The following SLC35F3 variants were observed in gnomAD, a reference collection of about 807,000 sequenced individuals.
The protein encoded by SLC35F3 is putative thiamine transporter SLC35F3.
SLC35F3 carries 25 observed loss-of-function variants against 49.9 expected under a neutral mutation model. That is an observed-to-expected ratio of 0.50 (90% CI 0.37 to 0.70). SLC35F3 has a LOEUF of 0.70. Among genes scored for constraint, SLC35F3 ranks in the 30% least tolerant of loss-of-function variants. The pLI is 0.00. For missense variants in SLC35F3, 525 were observed against 639.8 expected (o/e 0.82, Z 1.94); for synonymous variants, 275 against 265.4 (o/e 1.04, Z -0.35).
intron 2 of SLC35F3, among the ~76,000 whole-genome samples, chr1:234,129,170 G>A (rs1665696568): frequency 1.3e-5 from 2 of 152,110 alleles, no homozygotes; most frequent in Admixed American, 1.3e-4. Flanking sequence ...CCTCCAACAG[G>A]ACTTAAAAAC....
At chr1:234,256,112 A>G (rs892659671) in intron 3 of SLC35F3, among the ~76,000 whole-genome samples, 1 of 152,176 alleles carries the variant, frequency 6.6e-6, no homozygotes, top group African/African-American at 2.4e-5. Flanking sequence ...AATAAAGTCT[A>G]TTCATAATTT....
At chr1:234,286,561 C>T (rs894206268) in intron 3 of SLC35F3, among the ~76,000 whole-genome samples, 1 of 152,206 alleles carries the variant, frequency 6.6e-6, no homozygotes, top group Non-Finnish European at 1.5e-5. Context: ...GCATTGTTCT[C>T]TTCTGCAATG....
At chr1:234,192,530 GA>G (rs1392264241) in intron 2 of SLC35F3, among the ~76,000 whole-genome samples, 6 of 152,004 alleles carry the variant, frequency 3.9e-5, no homozygotes, top group African/African-American at 1.4e-4. Flanking sequence ...TTCCTTCTGA[GA>G]ACAAGACAAG....
chr1:234,281,758 C>G (rs1668330014), intron 3 of SLC35F3, among the ~76,000 whole-genome samples: 1 of 152,064 alleles, frequency 6.6e-6, no homozygotes, highest in Non-Finnish European at 1.5e-5. Flanking sequence ...CCACCTTTCG[C>G]TTGGAAAGAG....
intron 2 of SLC35F3, among the ~76,000 whole-genome samples, chr1:234,134,299 T>C (rs1665777561): frequency 6.7e-6 from 1 of 148,748 alleles, no homozygotes; most frequent in Non-Finnish European, 1.5e-5. Context: ...TAATAATAAT[T>C]ATATGCAATT....
intron 2 of SLC35F3, among the ~76,000 whole-genome samples, chr1:234,006,802 T>C (rs9435539): frequency 0.76 from 115,794 of 152,044 alleles, 45,128 homozygotes; most frequent in African/African-American, 0.94. Context: ...TTATGCTGAA[T>C]GAAGTGGGGA....
intron 3 of SLC35F3, among the ~76,000 whole-genome samples, chr1:234,294,667 G>A (rs188520349): frequency 4.0e-4 from 61 of 152,332 alleles, no homozygotes; most frequent in Middle Eastern, 3.4e-3. Flanking sequence ...CTGCCTAAAC[G>A]TCAAGCGCTG....
intron 2 of SLC35F3, among the ~76,000 whole-genome samples, chr1:234,184,634 C>A (rs1488434554): frequency 2.0e-5 from 3 of 152,156 alleles, no homozygotes; most frequent in African/African-American, 7.2e-5. Flanking sequence ...GAGTGTGGAG[C>A]CCATCCTGGC....
intron 2 of SLC35F3, among the ~76,000 whole-genome samples, chr1:234,080,466 G>A (rs1664858967): frequency 6.6e-6 from 1 of 152,036 alleles, no homozygotes; most frequent in Non-Finnish European, 1.5e-5. Context: ...CATTATTATA[G>A]CTAAAATATG....
chr1:234,060,232 TAGA>T (rs1202906362), intron 2 of SLC35F3, among the ~76,000 whole-genome samples: 1 of 152,212 alleles, frequency 6.6e-6, no homozygotes, highest in Non-Finnish European at 1.5e-5. Context: ...GAGTATCCTA[TAGA>T]TGTCTGTTAG....
At chr1:233,923,443 CTGTT>C (rs1329078700) in intron 2 of SLC35F3, among the ~76,000 whole-genome samples, 2 of 152,144 alleles carry the variant, frequency 1.3e-5, no homozygotes, top group African/African-American at 2.4e-5. Context: ...ATTTGGCTCT[CTGTT>C]TGTCTGCTAT....
chr1:234,291,604 A>C (rs1340997146), intron 3 of SLC35F3, among the ~76,000 whole-genome samples: 2 of 151,968 alleles, frequency 1.3e-5, no homozygotes, highest in African/African-American at 4.8e-5. Flanking sequence ...AAGTGGCTAA[A>C]TTTTTTTAAG....
intron 2 of SLC35F3, among the ~76,000 whole-genome samples, chr1:234,102,108 C>G (rs1665223016): frequency 6.6e-6 from 1 of 152,224 alleles, no homozygotes; most frequent in Non-Finnish European, 1.5e-5. Flanking sequence ...TATCACTACC[C>G]ATGGTCACGT....
chr1:233,984,259 G>A (rs1013524542), intron 2 of SLC35F3, among the ~76,000 whole-genome samples: 1 of 152,314 alleles, frequency 6.6e-6, no homozygotes, highest in South Asian at 2.1e-4. Context: ...CCCAAGAAAA[G>A]CAACAAGTAT....
intron 2 of SLC35F3, among the ~76,000 whole-genome samples, chr1:234,116,496 T>C (rs1665488870): frequency 1.2e-5 from 1 of 80,516 alleles, no homozygotes; most frequent in Non-Finnish European, 3.1e-5. Flanking sequence ...CACCCCCCAT[T>C]ATTTTTGTTT....
intron 3 of SLC35F3, among the ~76,000 whole-genome samples, chr1:234,284,186 T>C (rs544772995): frequency 1.3e-5 from 2 of 152,328 alleles, no homozygotes; most frequent in Non-Finnish European, 2.9e-5. Context: ...ATTATAGACA[T>C]GAGCTACGGT....
At chr1:234,153,633 A>C (rs1666106152) in intron 2 of SLC35F3, among the ~76,000 whole-genome samples, 1 of 152,136 alleles carries the variant, frequency 6.6e-6, no homozygotes, top group Admixed American at 6.5e-5. Flanking sequence ...TGTCTTTGAA[A>C]ACTCACATTC....
At chr1:233,975,313 T>G (rs1663062705) in intron 2 of SLC35F3, among the ~76,000 whole-genome samples, 1 of 152,224 alleles carries the variant, frequency 6.6e-6, no homozygotes, top group South Asian at 2.1e-4. Context: ...AGACCCCTGG[T>G]AGTTGCTAAT....
At chr1:234,095,037 C>A (rs1665097704) in intron 2 of SLC35F3, among the ~76,000 whole-genome samples, 2 of 152,344 alleles carry the variant, frequency 1.3e-5, no homozygotes, top group Non-Finnish European at 1.5e-5. Flanking sequence ...GGGGGTTTAT[C>A]TGATCAGTTG....
Sources: gnomAD v4.1 joint callset for allele counts (sites outside exome capture counted in the v4.1 genomes callset) on GRCh38, gnomAD v4.1.1 for gene constraint, MANE v1.5 for transcripts, NCBI Gene and HGNC (gene_info 2026-07-23, HGNC 2026-07-21) for gene names.